The following FAAH2 variants were observed in gnomAD, a reference collection of about 807,000 sequenced individuals.
FAAH2 encodes fatty-acid amide hydrolase 2.
A neutral mutation model predicts 36.9 loss-of-function variants in FAAH2; 60 were observed. The ratio of observed to expected loss-of-function variants is 1.63; its 90% CI spans 1.32 to 2.02. The LOEUF is 2.02. Ranked by LOEUF, FAAH2 falls within the 30% of genes most tolerant of loss-of-function variation. The probability of loss-of-function intolerance (pLI) is 0.00; values close to 1 mark genes in which losing one functional copy is unlikely to be tolerated. For synonymous variants in FAAH2, 214 were observed against 143.8 expected (o/e 1.49, Z -3.49); for missense variants, 689 against 397.5 (o/e 1.73, Z -6.23).
At chrX:57,452,733 C>G (rs767500551) in intron 10 of FAAH2, among the ~76,000 whole-genome samples, 1 of 111,878 alleles carries the variant, frequency 8.9e-6, no homozygotes, top group African/African-American at 3.3e-5. Context: ...TCAAGCAAAC[C>G]AGCAATAAAA....
the FAAH2 span, chrX:57,127,331 C>G: frequency 9.0e-6 from 1 of 111,009 alleles, no homozygotes; most frequent in Non-Finnish European, 1.9e-5. Context: ...AAAAAACAAG[C>G]ATGAGGTAAA....
At chrX:57,207,738 C>T in the FAAH2 span, among the ~76,000 whole-genome samples, 4 of 112,460 alleles carry the variant, frequency 3.6e-5, no homozygotes, top group Admixed American at 3.8e-4. Flanking sequence ...CTAGACCTGC[C>T]TAGAAGTAAT....
intron 3 of FAAH2, among the ~76,000 whole-genome samples, chrX:57,317,166 A>G (rs908294660): frequency 3.6e-5 from 4 of 112,249 alleles, no homozygotes; most frequent in African/African-American, 9.7e-5. Flanking sequence ...ACAAATAACA[A>G]TATTAGCCTT....
chrX:57,403,574 G>A (rs1223222922), intron 7 of FAAH2, among the ~76,000 whole-genome samples: 1 of 112,759 alleles, frequency 8.9e-6, no homozygotes, highest in Non-Finnish European at 1.9e-5. Flanking sequence ...GAGAGGGTGT[G>A]GGTAACCTTT....
the FAAH2 span, among the ~76,000 whole-genome samples, chrX:57,205,642 A>G: frequency 8.9e-6 from 1 of 112,261 alleles, no homozygotes; most frequent in Admixed American, 9.4e-5. Context: ...TTACCTTTTG[A>G]GCCAGAATAA....
chrX:57,185,721 C>A, the FAAH2 span, among the ~76,000 whole-genome samples: 2 of 109,762 alleles, frequency 1.8e-5, no homozygotes, highest in African/African-American at 3.3e-5. Flanking sequence ...CCCCCACCCC[C>A]CAACAGGCCT....
intron 7 of FAAH2, among the ~76,000 whole-genome samples, chrX:57,395,808 G>GT (rs1205997142): frequency 4.5e-5 from 5 of 111,584 alleles, no homozygotes; most frequent in Non-Finnish European, 9.4e-5. Context: ...AGCTTGTAAG[G>GT]TTTTTTTATT....
At chrX:57,210,190 T>C in the FAAH2 span, among the ~76,000 whole-genome samples, 1 of 111,639 alleles carries the variant, frequency 9.0e-6, no homozygotes, top group East Asian at 2.8e-4. Context: ...GTTGTTACAT[T>C]TGTGTCCTTA....
intron 8 of FAAH2, among the ~76,000 whole-genome samples, chrX:57,432,661 A>C (rs772551400): frequency 9.0e-5 from 10 of 111,302 alleles, no homozygotes; most frequent in Non-Finnish European, 1.3e-4. Context: ...TTTAATATGA[A>C]CACTTTGAGA....
chrX:57,249,622 C>T, the FAAH2 span, among the ~76,000 whole-genome samples: 1 of 112,034 alleles, frequency 8.9e-6, no homozygotes, highest in African/African-American at 3.2e-5. Flanking sequence ...CCCTGACCTT[C>T]TCCTTATGGC....
chrX:57,382,534 A>G (rs2054881508), intron 7 of FAAH2, among the ~76,000 whole-genome samples: 2 of 112,010 alleles, frequency 1.8e-5, no homozygotes, highest in African/African-American at 6.5e-5. Flanking sequence ...ACCATCACAG[A>G]ATACTATAAA....
intron 7 of FAAH2, among the ~76,000 whole-genome samples, chrX:57,396,662 G>A (rs190787148): frequency 9.0e-6 from 1 of 111,328 alleles, no homozygotes; most frequent in Admixed American, 9.5e-5. Flanking sequence ...TCTTCATATC[G>A]ATTTCTACAT....
chrX:57,344,209 A>T (rs954356199), intron 5 of FAAH2, among the ~76,000 whole-genome samples: 13 of 110,326 alleles, frequency 1.2e-4, no homozygotes, highest in African/African-American at 3.3e-4. Flanking sequence ...AAAGTATGGC[A>T]ATTTTAATGA....
upstream of FAAH2, among the ~76,000 whole-genome samples, chrX:57,283,386 C>G (rs2516019): frequency 0.45 from 48,973 of 109,959 alleles, 10,891 homozygotes; most frequent in African/African-American, 0.86. Flanking sequence ...GGGGAAGAGT[C>G]GGGGTTCGAG....
intron 4 of FAAH2, among the ~76,000 whole-genome samples, chrX:57,334,281 C>CACACACACACACACACAA (rs1555973772): frequency 1.8e-5 from 2 of 108,147 alleles, no homozygotes; most frequent in Non-Finnish European, 3.9e-5. Context: ...CACACACACA[C>CACACACACACACACACAA]ACACACACAC....
intron 10 of FAAH2, among the ~76,000 whole-genome samples, chrX:57,451,253 T>G (rs146027374): frequency 8.9e-6 from 1 of 111,908 alleles, no homozygotes; most frequent in Admixed American, 9.5e-5. Flanking sequence ...CAGGTCTGTC[T>G]GACTCCAAAT....
the FAAH2 span, chrX:57,135,610 C>A: frequency 3.6e-6 from 3 of 843,359 alleles, no homozygotes; most frequent in African/African-American, 4.2e-5. Flanking sequence ...CCAAACACAC[C>A]CGAACTTTTC....
the FAAH2 span, among the ~76,000 whole-genome samples, chrX:57,143,693 G>T: frequency 9.0e-6 from 1 of 110,890 alleles, no homozygotes; most frequent in Non-Finnish European, 1.9e-5. Flanking sequence ...GCCTGGGCTG[G>T]TCTTGAACTC....
intron 7 of FAAH2, among the ~76,000 whole-genome samples, chrX:57,391,050 T>C (rs767521956): frequency 8.9e-6 from 1 of 112,088 alleles, no homozygotes; most frequent in African/African-American, 3.2e-5. Context: ...ATTGTGGTTT[T>C]AATTTACATT....
Sources: gnomAD v4.1 joint callset for allele counts (sites outside exome capture counted in the v4.1 genomes callset) on GRCh38, gnomAD v4.1.1 for gene constraint, MANE v1.5 for transcripts, NCBI Gene and HGNC (gene_info 2026-07-23, HGNC 2026-07-21) for gene names.